The following CRACR2B variants were observed in gnomAD, a reference collection of about 807,000 sequenced individuals.
CRACR2B encodes EF-hand calcium-binding domain-containing protein 4A.
In CRACR2B, 50 loss-of-function variants were observed where a neutral mutation model predicts 46.0. That is an observed-to-expected ratio of 1.09 (90% CI 0.87 to 1.38). CRACR2B has a LOEUF of 1.38. Ranked by LOEUF, CRACR2B falls within the 40% of genes most tolerant of loss-of-function variation. CRACR2B has a pLI of 0.00. For synonymous variants in CRACR2B, 277 were observed against 239.6 expected (o/e 1.16, Z -1.44); for missense variants, 667 against 535.0 (o/e 1.25, Z -2.43).
At chr11:829,113 G>A (rs764744958) in intron 2 of CRACR2B, 150 bp downstream of exon 2, 1 of 1,274,380 alleles carries the variant, frequency 7.8e-7, no homozygotes. Flanking sequence ...GCGCCTGGGG[G>A]CTCCTAGCTG....
rs1016901581 is a variant in CRACR2B at position 828,316 on chromosome 11, T to C, written c.-292T>C. On this transcript the variant is annotated 5_prime_UTR_variant, in exon 1 of 9. Transcript: ENST00000525077. ...ACCTCCAGCTCCTCCTCTCCTGAAG[T>C]TGGCAGCCCCTCCTGGGTTCCAGCC... 1.7e-5 allele frequency: 7 copies of C among 402,174 alleles called. No homozygotes were observed. Among genetic ancestry groups the C allele is most frequent in the African/African-American group, 8.5e-5 (4 of 47,316 alleles). 24.9% of individuals were successfully genotyped at this position (402,174 alleles called of 1,614,324 possible). A position where few individuals can be genotyped will look rare whatever the true frequency, so the allele number is the denominator to read the frequency against.
chr11:828,906 A>G lies in CRACR2B; in HGVS notation c.220A>G (p.Ser74Gly). 7 of 1,609,134 alleles carry G rather than the reference A, an allele frequency of 4.4e-6. No individual in the cohort carries two copies. Among genetic ancestry groups the G allele is most frequent in the Non-Finnish European group, 5.9e-6 (7 of 1,179,940 alleles). The part of the protein sequence containing the change: ...TPEQLEAVFE[S>G]LDRAHTGFLT... Reference sequence around the variant, plus strand: ...AGAGCAGCTGGAGGCTGTGTTTGAAAGTCTGGACCGGGCTCACACTGGCTT... The same window carrying G: ...AGAGCAGCTGGAGGCTGTGTTTGAAGGTCTGGACCGGGCTCACACTGGCTT... The change falls in exon 2 of 9, where the codon AGT (serine) becomes GGT (glycine). Residue 74 changes from serine (S) to glycine (G), a missense_variant. By Grantham distance (56) the Ser-to-Gly change is moderately conservative. Coordinates refer to ENST00000525077, the MANE Select transcript of CRACR2B (RefSeq NM_001286606.2).
rs756128432 is a variant in CRACR2B at position 831,543 on chromosome 11, A to G, written c.1034A>G (p.Asn345Ser). 3.1e-5 allele frequency: 49 copies of G among 1,597,098 alleles called. No homozygotes were observed. The highest frequency in any genetic ancestry group is 4.3e-6 in the Non-Finnish European group (5 of 1,173,698). The change falls in exon 9 of 9, where the codon AAT becomes AGT. Residue 345 changes from asparagine to serine, a missense_variant. Coordinates refer to ENST00000525077, the MANE Select transcript of CRACR2B (RefSeq NM_001286606.2). The part of the protein sequence containing the change: ...LRQLELLREL[N>S]TRLRDDRDAC... The stretch of plus-strand genomic sequence containing the variant: ...GACTCCTCCTTCCCTAGGGAGCTGA[A>G]TACACGGCTGCGGGATGACAGGGAC...
Position 830,280 on chromosome 11 carries a change from C to T in CRACR2B, c.636C>T (p.Arg212=), listed in dbSNP as rs528014428. ...RRESEHEREV[R]ALYEETEQLR... Reference sequence around the variant, plus strand: ...AGAGCGAGCACGAGAGGGAGGTGCGCGCTCTGTACGAGGAGACGGAGCAGC... The same window carrying T: ...AGAGCGAGCACGAGAGGGAGGTGCGTGCTCTGTACGAGGAGACGGAGCAGC... Residue 212 remains arginine (R), a synonymous_variant, in exon 5 of 9, where the codon CGC becomes CGT. Transcript: ENST00000525077. The T allele has an allele frequency of 2.0e-5, 31 of 1,525,322 alleles. No individual in the cohort carries two copies. The South Asian group carries it at 3.5e-4, about 17-fold the overall frequency. 94.5% of individuals were successfully genotyped at this position (1,525,322 alleles called of 1,614,324 possible).
At chr11:827,430 G>T, upstream of CRACR2B, 1 of 545,012 alleles carries the variant, frequency 1.8e-6, no homozygotes, top group Non-Finnish European at 2.3e-6. Flanking sequence ...GGGAACTCCG[G>T]TTACCCCCTC....
In CRACR2B at chr11:828,095, A is replaced by C. The variant is rs1846048180; in HGVS notation, c.-513A>C. The C allele has an allele frequency of 6.5e-6, 1 of 153,496 alleles. No homozygotes were observed. Among genetic ancestry groups the C allele is most frequent in the African/African-American group, 2.4e-5 (1 of 41,412 alleles). 9.5% of individuals were successfully genotyped at this position (153,496 alleles called of 1,614,324 possible). A position where few individuals can be genotyped will look rare whatever the true frequency, so the allele number is the denominator to read the frequency against. ...TCTGCCCTGCCTGCCAGCTGTCATG[A>C]GGCTGGGCCACACAGGCCCAGGCCA... On this transcript the variant is annotated 5_prime_UTR_variant, in exon 1 of 9. Transcript: ENST00000525077.
chr11:829,121 C>G (rs114886336), intron 2 of CRACR2B, 158 bp downstream of exon 2: 1 of 1,270,436 alleles, frequency 7.9e-7, no homozygotes, highest in South Asian at 1.3e-5. Flanking sequence ...GGGCTCCTAG[C>G]TGCGGTGGAG....
chr11:829,894 G>A, intron 3 of CRACR2B, 92 bp from the exon 4 acceptor site: 8 of 1,471,734 alleles, frequency 5.4e-6, no homozygotes, highest in South Asian at 1.3e-5. Context: ...CTGCCCAGGG[G>A]CGAAGAAGTC....
At position 830,278 on chromosome 11, in the gene CRACR2B, C is replaced by A. The variant is rs1438704799; in HGVS notation, c.634C>A (p.Arg212Ser). The change falls in exon 5 of 9, where the codon CGC becomes AGC. Residue 212 changes from arginine (R) to serine (S), a missense_variant. Coordinates refer to ENST00000525077, the MANE Select transcript of CRACR2B (RefSeq NM_001286606.2). Reference protein sequence around the residue: ...RRESEHEREVRALYEETEQLR... With the variant: ...RRESEHEREVSALYEETEQLR... ...CGAGAGCGAGCACGAGAGGGAGGTG[C>A]GCGCTCTGTACGAGGAGACGGAGCA... 4 of 1,524,886 alleles carry A rather than the reference C, an allele frequency of 2.6e-6. No homozygotes were observed. The African/African-American group carries it at 4.1e-5, about 16-fold the overall frequency. 94.5% of individuals were successfully genotyped at this position (1,524,886 alleles called of 1,614,324 possible).
At position 829,476 on chromosome 11, in the gene CRACR2B, G is replaced by A. The variant is rs201767540; in HGVS notation, c.394G>A (p.Glu132Lys). Residue 132 changes from glutamate (E) to lysine (K), a missense_variant, in exon 3 of 9, where the codon GAG (glutamate) becomes AAG (lysine). Transcript: ENST00000525077. ...CACGGCGGGCTCTCTGGATGAGGAG[G>A]AGGAAGAGGAGGAGCGATTCCACAC... ...QGTAGSLDEE[E>K]EEEERFHTVL... 3.0e-4 allele frequency: 489 copies of A among 1,608,362 alleles called. 5 individuals are homozygous for A. Among genetic ancestry groups the A allele is most frequent in the Non-Finnish European group, 5.2e-5 (61 of 1,178,426 alleles).
Position 828,071 on chromosome 11 carries a change from C to G in CRACR2B, c.-537C>G, listed in dbSNP as rs1846045743. On this transcript the variant is annotated 5_prime_UTR_variant, in exon 1 of 9. Transcript: ENST00000525077. ...GGGCCGGTGGGCAGGAGGGAGAAGTCTGCCCTGCCTGCCAGCTGTCATGAG... is the reference window on the plus strand; with the variant it reads ...GGGCCGGTGGGCAGGAGGGAGAAGTGTGCCCTGCCTGCCAGCTGTCATGAG... Among the ~76,000 whole-genome samples the G allele has an allele frequency of 6.6e-6, 1 of 152,066 alleles. No individual in the cohort carries two copies. Among genetic ancestry groups the G allele is most frequent in the Non-Finnish European group, 1.5e-5 (1 of 67,990 alleles).
chr11:831,641 T>C lies in CRACR2B; in HGVS notation c.1132T>C (p.Cys378Arg). 2 of 1,528,952 alleles carry C rather than the reference T, an allele frequency of 1.3e-6. No individual in the cohort carries two copies. Among genetic ancestry groups the C allele is most frequent in the Non-Finnish European group, 1.7e-6 (2 of 1,144,572 alleles). The allele number at this position is 1,528,952 out of a possible 1,614,324, so 94.7% of individuals were successfully genotyped here. A position where few individuals can be genotyped will look rare whatever the true frequency, so the allele number is the denominator to read the frequency against. ...LTTARLPGPT[C>R]CCCCCWARPP... ...AACAGCCCGCCTGCCTGGGCCCACC[T>C]GCTGCTGCTGCTGTTGCTGGGCTCG... The change falls in exon 9 of 9, where the codon TGC becomes CGC. Residue 378 changes from cysteine (C) to arginine (R), a missense_variant. By Grantham distance (180) the Cys-to-Arg change is radical. Coordinates refer to ENST00000525077, the MANE Select transcript of CRACR2B (RefSeq NM_001286606.2).
chr11:827,411 G>T (rs373969287), upstream of CRACR2B: 138 of 386,488 alleles, frequency 3.6e-4, no homozygotes, highest in African/African-American at 2.7e-3. Context: ...AAACCTGAGC[G>T]TCTCGGTCGG....
chr11:829,109 G>C (rs1468056362), intron 2 of CRACR2B, 146 bp downstream of exon 2: 2 of 1,289,024 alleles, frequency 1.6e-6, no homozygotes, highest in Non-Finnish European at 2.2e-6. Context: ...ACTCGCGCCT[G>C]GGGGCTCCTA....
At chr11:827,569 G>C (rs377479061), upstream of CRACR2B, 5 of 984,232 alleles carry the variant, frequency 5.1e-6, no homozygotes, top group African/African-American at 8.7e-5. Context: ...CGCGGCTTCC[G>C]GCTGGGGTGG....
chr11:830,913 G>A lies in CRACR2B; in HGVS notation c.834G>A (p.Gln278=), dbSNP rs1023374878. 14 of 1,532,786 alleles carry A rather than the reference G, an allele frequency of 9.1e-6. No individual in the cohort carries two copies. The highest frequency in any genetic ancestry group is 6.8e-5 in the African/African-American group (5 of 73,078). The allele number at this position is 1,532,786 out of a possible 1,614,324, so 94.9% of individuals were successfully genotyped here. ...HAQAAEHLEA[Q]AQNSQLWRAH... ...AGGCTGCGGAGCACCTGGAGGCACA[G>A]GCCCAGAACTCCCAGCTGTGGCGGG... is the stretch of plus-strand genomic sequence containing the variant. The change falls in exon 7 of 9, where the codon CAG becomes CAA. Residue 278 remains glutamine (Q), a synonymous_variant. Transcript: ENST00000525077.
At chr11:830,362 C>T (rs1251435111) in intron 5 of CRACR2B, 25 bp downstream of exon 5, 11 of 1,536,590 alleles carry the variant, frequency 7.2e-6, no homozygotes, top group Non-Finnish European at 9.6e-6. Context: ...CCGCCCCTCC[C>T]GCCAGGCCCA....
intron 2 of CRACR2B, 170 bp from the exon 3 acceptor site, chr11:829,190 C>G (rs1420362438): frequency 7.2e-7 from 1 of 1,379,352 alleles, no homozygotes; most frequent in African/African-American, 1.4e-5. Flanking sequence ...TCCGGTAGGG[C>G]TGGGAGCTGG....
Position 830,640 on chromosome 11 carries a change from G to A in CRACR2B, c.713G>A (p.Arg238Gln). 2 of 1,549,030 alleles carry A rather than the reference G, an allele frequency of 1.3e-6. No individual in the cohort carries two copies. Among genetic ancestry groups the A allele is most frequent in the Non-Finnish European group, 1.7e-6 (2 of 1,146,674 alleles). The change falls in exon 6 of 9, where the codon CGG becomes CAG. Residue 238 changes from arginine (R) to glutamine (Q), a missense_variant. Coordinates refer to ENST00000525077, the MANE Select transcript of CRACR2B (RefSeq NM_001286606.2). ...TCCCAGAACTTCGCCCGCGGGGAGC[G>A]GAGAAGCCGTCTGGAGCTGGAGCTG... ...PPSQNFARGERRSRLELELQS... is the reference protein window; with the variant it reads ...PPSQNFARGEQRSRLELELQS...
Sources: gnomAD v4.1 joint callset for allele counts (sites outside exome capture counted in the v4.1 genomes callset) on GRCh38, gnomAD v4.1.1 for gene constraint, MANE v1.5 for transcripts, NCBI Gene and HGNC (gene_info 2026-07-23, HGNC 2026-07-21) for gene names.